C19orf18: variants seen among roughly 807,000 people sequenced by gnomAD.
C19orf18 encodes uncharacterized protein C19orf18.
A neutral mutation model predicts 23.3 loss-of-function variants in C19orf18; 21 were observed. The ratio of observed to expected loss-of-function variants is 0.90; its 90% CI spans 0.64 to 1.30. The LOEUF is 1.30. C19orf18 is among the 50% of genes most tolerant of loss of function. C19orf18 has a pLI of 0.00. For synonymous variants in C19orf18, 96 were observed against 95.2 expected, an observed-to-expected ratio of 1.01 and a Z score of -0.05; for missense variants, 249 against 259.6, an observed-to-expected ratio of 0.96 and a Z score of 0.28.
chr19:57,963,843 T>A (rs1264172173), intron 4 of C19orf18, among the ~76,000 whole-genome samples: 2 of 152,266 alleles, frequency 1.3e-5, no homozygotes, highest in South Asian at 4.1e-4. Context: ...TGAGCTGAGA[T>A]GACGCCACTG....
At position 57,959,448 on chromosome 19, in the gene C19orf18, C is replaced by A. The variant is rs185492635; in HGVS notation, c.533-731G>T. 2.4e-4 allele frequency among the ~76,000 whole-genome samples: 22 copies of A among 91,564 alleles called. No homozygotes were observed. In the East Asian group the frequency reaches 5.2e-3, roughly 22 times the overall value. 60.1% of individuals were successfully genotyped at this position (91,564 alleles called of 152,430 possible). On this transcript the variant is annotated intron_variant, in intron 5 of 5. Coordinates refer to ENST00000314391, the MANE Select transcript of C19orf18 (RefSeq NM_152474.5). ...GACCAGCCTGGCCAACATGGTGAGA[C>A]CCCCCATCTCTACTAAAAATACAAA... is the stretch of plus-strand genomic sequence containing the variant.
At chr19:57,962,892 A>G (rs1388287745) in intron 4 of C19orf18, among the ~76,000 whole-genome samples, 1 of 151,884 alleles carries the variant, frequency 6.6e-6, no homozygotes, top group Non-Finnish European at 1.5e-5. Flanking sequence ...GGGTTAGTTT[A>G]TTTTTTGTTT....
intron 3 of C19orf18, among the ~76,000 whole-genome samples, chr19:57,971,074 G>T (rs1353201351): frequency 1.3e-5 from 2 of 152,154 alleles, no homozygotes; most frequent in Non-Finnish European, 2.9e-5. Context: ...ATGGGCAGGT[G>T]AAACAGTCAT....
intron 4 of C19orf18, among the ~76,000 whole-genome samples, chr19:57,963,919 T>C (rs2072890973): frequency 6.6e-6 from 1 of 152,114 alleles, no homozygotes; most frequent in Non-Finnish European, 1.5e-5. Context: ...ATAAATATTT[T>C]ATCTCTACCC....
At chr19:57,959,184 A>G (rs2072848587) in intron 5 of C19orf18, among the ~76,000 whole-genome samples, 1 of 152,122 alleles carries the variant, frequency 6.6e-6, no homozygotes, top group Non-Finnish European at 1.5e-5. Context: ...TTAAACAGGT[A>G]CCCACGAATC....
chr19:57,964,698 G>A (rs1035817690), intron 4 of C19orf18, among the ~76,000 whole-genome samples: 12 of 152,264 alleles, frequency 7.9e-5, no homozygotes, highest in Non-Finnish European at 1.6e-4. Flanking sequence ...GCCTTCATGT[G>A]ACCTACTCCA....
chr19:57,958,543 G>T lies in C19orf18; in HGVS notation c.*59C>A. 1 of 1,174,350 alleles carries T rather than the reference G, an allele frequency of 8.5e-7. No individual in the cohort carries two copies. Among genetic ancestry groups the T allele is most frequent in the Non-Finnish European group, 1.2e-6 (1 of 821,300 alleles). 72.7% of individuals were successfully genotyped at this position (1,174,350 alleles called of 1,614,324 possible). On this transcript the variant is annotated 3_prime_UTR_variant, in exon 6 of 6. Coordinates refer to ENST00000314391, the MANE Select transcript of C19orf18 (RefSeq NM_152474.5). ...GGAGCAAGCCACGCCCACAGGCTCA[G>T]TCTCCCAGCACCCCCATAGTTTCTC... is the stretch of plus-strand genomic sequence containing the variant.
rs1387755600 is a variant in C19orf18, at chr19:57,961,449, A to T, written c.474T>A (p.Gly158=). The change falls in exon 5 of 6, where the codon GGT becomes GGA. Residue 158 remains glycine, a synonymous_variant. Coordinates refer to ENST00000314391, the MANE Select transcript of C19orf18 (RefSeq NM_152474.5). ...GDEEEGSEDE[G]ESTHLLPENE... is the part of the protein sequence containing the mutation. ...TCTCTGGAAGTAGGTGCGTGGACTCACCCTCGTCCTCTGAGCCCTCTTCTT... is the reference window on the plus strand; with the variant it reads ...TCTCTGGAAGTAGGTGCGTGGACTCTCCCTCGTCCTCTGAGCCCTCTTCTT... 1 of 1,613,980 alleles carries T rather than the reference A, an allele frequency of 6.2e-7. No individual in the cohort carries two copies. The highest frequency in any genetic ancestry group is 1.1e-5 in the South Asian group (1 of 91,072).
At chr19:57,959,372 C>G (rs2072849582) in intron 5 of C19orf18, among the ~76,000 whole-genome samples, 1 of 152,076 alleles carries the variant, frequency 6.6e-6, no homozygotes, top group Non-Finnish European at 1.5e-5. Context: ...CCTGTAATCC[C>G]AGGACTTTGG....
chr19:57,960,641 T>C (rs182542511), intron 5 of C19orf18, among the ~76,000 whole-genome samples: 1 of 152,234 alleles, frequency 6.6e-6, no homozygotes, highest in Admixed American at 6.5e-5. Flanking sequence ...GTCTGTGTTC[T>C]GAATGCAGGA....
chr19:57,961,620 C>T (rs1325473109), intron 4 of C19orf18, 69 bp from the exon 5 acceptor site: 1 of 1,553,206 alleles, frequency 6.4e-7, no homozygotes, highest in African/African-American at 1.4e-5. Flanking sequence ...TCAACCATGC[C>T]ACTTTTTGAC....
chr19:57,961,678 C>A lies in C19orf18; in HGVS notation c.372-127G>T, dbSNP rs369468556. The stretch of plus-strand genomic sequence containing the variant: ...TGGGTGCAGACATAAGACTTTGAAA[C>A]CAGACTAATCATGGTCAGCTCTCAA... On this transcript the variant is annotated intron_variant, in intron 4 of 5. Transcript: ENST00000314391. The A allele has an allele frequency of 7.8e-5, 78 of 1,005,840 alleles. 2 individuals carry two copies. The highest frequency in any genetic ancestry group is 7.8e-4 in the East Asian group (31 of 39,978). The allele number at this position is 1,005,840 out of a possible 1,614,324, so 62.3% of individuals were successfully genotyped here. A position where few individuals can be genotyped will look rare whatever the true frequency, so the allele number is the denominator to read the frequency against.
intron 5 of C19orf18, among the ~76,000 whole-genome samples, chr19:57,960,648 A>C (rs2072862580): frequency 6.6e-6 from 1 of 152,140 alleles, no homozygotes; most frequent in African/African-American, 2.4e-5. Flanking sequence ...TTCTGAATGC[A>C]GGATAACATC....
At chr19:57,971,495 C>T (rs964040993) in intron 3 of C19orf18, among the ~76,000 whole-genome samples, 2 of 151,866 alleles carry the variant, frequency 1.3e-5, no homozygotes, top group African/African-American at 2.4e-5. Flanking sequence ...TTAAAAAAGA[C>T]AGCCTCGCTC....
At chr19:57,961,998 TTC>T (rs2072876616) in intron 4 of C19orf18, among the ~76,000 whole-genome samples, 4 of 150,590 alleles carry the variant, frequency 2.7e-5, no homozygotes, top group Admixed American at 2.0e-4. Flanking sequence ...CTCTTTCCCT[TTC>T]TCTCTCTGTA....
At chr19:57,965,881 C>T (rs1291110382) in intron 4 of C19orf18, among the ~76,000 whole-genome samples, 1 of 152,138 alleles carries the variant, frequency 6.6e-6, no homozygotes, top group African/African-American at 2.4e-5. Flanking sequence ...TTTTATTTCA[C>T]AACCGTGTGT....
At position 57,961,550 on chromosome 19, in the gene C19orf18, G is replaced by T; in HGVS notation, c.373C>A (p.Arg125=). 6.2e-7 allele frequency: 1 copy of T among 1,608,978 alleles called. No individual in the cohort carries two copies. The highest frequency in any genetic ancestry group is 1.1e-5 in the South Asian group (1 of 90,464). Residue 125 remains arginine (R), a splice_region_variant and synonymous_variant, in exon 5 of 6, where the codon CGA becomes AGA. Coordinates refer to ENST00000314391, the MANE Select transcript of C19orf18 (RefSeq NM_152474.5). ...TGTCTTTCCTCAGCCTGTGCCAGTCGACTGGAGAATGATATAAATGAATTT... is the reference window on the plus strand; with the variant it reads ...TGTCTTTCCTCAGCCTGTGCCAGTCTACTGGAGAATGATATAAATGAATTT... The part of the protein sequence containing the change: ...CGMAISYMIY[R]LAQAEERQQL...
intron 3 of C19orf18, among the ~76,000 whole-genome samples, chr19:57,967,040 T>C (rs574659626): frequency 2.7e-5 from 4 of 150,158 alleles, no homozygotes; most frequent in South Asian, 2.1e-4. Context: ...GCCGAGATCA[T>C]GCCACTGCAC....
chr19:57,964,531 C>T (rs1312913744), intron 4 of C19orf18, among the ~76,000 whole-genome samples: 2 of 152,222 alleles, frequency 1.3e-5, no homozygotes, highest in Non-Finnish European at 2.9e-5. Context: ...ATCCACCCGC[C>T]TCGGCCTCCC....
Sources: gnomAD v4.1 joint callset for allele counts (sites outside exome capture counted in the v4.1 genomes callset) on GRCh38, gnomAD v4.1.1 for gene constraint, MANE v1.5 for transcripts, NCBI Gene and HGNC (gene_info 2026-07-23, HGNC 2026-07-21) for gene names.